Variants in DYSF observed in about 807,000 individuals in gnomAD.
DYSF encodes the protein dystrophy-associated fer-1-like 1.
DYSF carries 212 observed loss-of-function variants against 274.9 expected under a neutral mutation model. That is an observed-to-expected ratio of 0.77 (90% CI 0.69 to 0.86). DYSF has a LOEUF of 0.86. DYSF is among the 40% of genes least tolerant of loss of function. The probability of loss-of-function intolerance (pLI) is 0.00; values close to 1 mark genes in which losing one functional copy is unlikely to be tolerated. For synonymous variants in DYSF, 1,091 were observed against 1,078.7 expected, an observed-to-expected ratio of 1.01 and a Z score of -0.22; for missense variants, 2,666 against 2,783.2, an observed-to-expected ratio of 0.96 and a Z score of 0.95.
chr2:71,479,059 T>A (rs1305448270), intron 1 of DYSF, among the ~76,000 whole-genome samples: 1 of 151,730 alleles, frequency 6.6e-6, no homozygotes, highest in South Asian at 2.1e-4. Flanking sequence ...GGGACTTTCG[T>A]GGTCCAGGCA....
chr2:71,683,337 G>A (rs1011853646), intron 55 of DYSF, among the ~76,000 whole-genome samples: 1 of 152,146 alleles, frequency 6.6e-6, no homozygotes, highest in African/African-American at 2.4e-5. Context: ...TCGTGCCCTT[G>A]CTCTGTGGGG....
At chr2:71,655,684 C>T (rs1326698756) in intron 42 of DYSF, among the ~76,000 whole-genome samples, 1 of 152,200 alleles carries the variant, frequency 6.6e-6, no homozygotes, top group African/African-American at 2.4e-5. Context: ...AACATTTTTA[C>T]TTGAAATGCT....
chr2:71,585,008 A>AAGG lies in DYSF; in HGVS notation c.3403-4583_3403-4581dup, dbSNP rs1483461690. On this transcript the variant is annotated intron_variant, in intron 30 of 55. Coordinates refer to ENST00000410020, the MANE Select transcript of DYSF (RefSeq NM_001130987.2). ...GAAAGAGTTAAACCAGGTACCTGCC[A>AAGG]AGGACCGTGGGGTATCATTTCATTC... Among the ~76,000 whole-genome samples, 7 of 152,348 alleles carry AAGG rather than the reference A, an allele frequency of 4.6e-5. No homozygotes were observed. In the East Asian group the frequency reaches 1.3e-3, roughly 29 times the overall value.
intron 41 of DYSF, among the ~76,000 whole-genome samples, chr2:71,640,277 T>C (rs994751720): frequency 2.0e-5 from 3 of 152,278 alleles, no homozygotes; most frequent in Non-Finnish European, 2.9e-5. Context: ...TAAAATATTC[T>C]TTATAATGCT....
chr2:71,587,883 C>A (rs887558519), intron 30 of DYSF, among the ~76,000 whole-genome samples: 6 of 152,168 alleles, frequency 3.9e-5, no homozygotes, highest in African/African-American at 1.2e-4. Flanking sequence ...CTTGGAGAGT[C>A]CCCTGGGAGA....
At chr2:71,500,014 TGA>T (rs1185025076) in intron 3 of DYSF, among the ~76,000 whole-genome samples, 3 of 152,292 alleles carry the variant, frequency 2.0e-5, no homozygotes, top group African/African-American at 7.2e-5. Context: ...TGGTGCCGAC[TGA>T]GAGTGCAGCA....
intron 43 of DYSF, among the ~76,000 whole-genome samples, chr2:71,657,759 G>A (rs976613793): frequency 1.8e-4 from 28 of 152,278 alleles, no homozygotes; most frequent in African/African-American, 6.5e-4. Flanking sequence ...GGAGCAGCTG[G>A]GACACAGAGC....
chr2:71,581,757 C>T (rs927983417), intron 30 of DYSF, among the ~76,000 whole-genome samples: 1 of 152,172 alleles, frequency 6.6e-6, no homozygotes, highest in Non-Finnish European at 1.5e-5. Context: ...GGTGGGAATG[C>T]TAAAAACACA....
At chr2:71,467,367 T>C (rs1214378152) in intron 1 of DYSF, among the ~76,000 whole-genome samples, 2 of 152,068 alleles carry the variant, frequency 1.3e-5, no homozygotes, top group Non-Finnish European at 2.9e-5. Context: ...CATTCACCCA[T>C]CTTTATCCAA....
Position 71,503,329 on chromosome 2 carries a change from CA to C in DYSF, c.345+11del, listed in dbSNP as rs767024982. ...GAAGCAGCCCACAGGGGTAAGTGCCCATCAGCCTCTGCCAGGTTAAGGTCCA... is the reference window on the plus strand; with the variant it reads ...GAAGCAGCCCACAGGGGTAAGTGCCCTCAGCCTCTGCCAGGTTAAGGTCCA... On this transcript the variant is annotated intron_variant, in intron 4 of 55. Coordinates refer to ENST00000410020, the MANE Select transcript of DYSF (RefSeq NM_001130987.2). 4.3e-6 allele frequency: 7 copies of C among 1,613,862 alleles called. No individual in the cohort carries two copies. The South Asian group carries it at 6.6e-5, about 15-fold the overall frequency.
chr2:71,594,921 C>G (rs987535928), intron 32 of DYSF, among the ~76,000 whole-genome samples: 8 of 152,226 alleles, frequency 5.3e-5, no homozygotes, highest in Non-Finnish European at 1.0e-4. Flanking sequence ...TAGTCACACT[C>G]TTAAGAGCCT....
Position 71,552,998 on chromosome 2 carries a change from T to C in DYSF, c.1807-13T>C, listed in dbSNP as rs756387775. On this transcript the variant is annotated splice_polypyrimidine_tract_variant and intron_variant, in intron 19 of 55. Coordinates refer to ENST00000410020, the MANE Select transcript of DYSF (RefSeq NM_001130987.2). ...CTCCTCCCGTGACCCTCTGGTCTAC[T>C]CTCTGCTCTCAGAAGTACCTTAGGA... The C allele has an allele frequency of 2.2e-5, 36 of 1,614,144 alleles. No individual in the cohort carries two copies. The highest frequency in any genetic ancestry group is 3.0e-5 in the Non-Finnish European group (35 of 1,180,004).
At chr2:71,531,955 A>G (rs1259948373) in intron 14 of DYSF, among the ~76,000 whole-genome samples, 1 of 152,172 alleles carries the variant, frequency 6.6e-6, no homozygotes, top group Non-Finnish European at 1.5e-5. Context: ...CAGGAATTTA[A>G]CCCTGCTTCT....
chr2:71,565,036 C>T (rs1228518536), intron 24 of DYSF, among the ~76,000 whole-genome samples: 1 of 152,022 alleles, frequency 6.6e-6, no homozygotes, highest in Non-Finnish European at 1.5e-5. Context: ...GTCAGCAAGG[C>T]TGCCCCTGCT....
intron 41 of DYSF, 29 bp downstream of exon 41, chr2:71,620,638 C>T (rs1022044239): frequency 1.3e-6 from 2 of 1,547,728 alleles, no homozygotes; most frequent in Non-Finnish European, 1.7e-6. Flanking sequence ...TTTGTGGGCT[C>T]CTTGTATTCC....
At chr2:71,560,322 C>T (rs116546110) in intron 22 of DYSF, among the ~76,000 whole-genome samples, 2,262 of 150,400 alleles carry the variant, frequency 0.015, 29 homozygotes, top group Non-Finnish European at 0.024. Context: ...CCGGGCTGGG[C>T]GCATAAATCA....
At chr2:71,654,002 C>T (rs2094720183) in intron 42 of DYSF, among the ~76,000 whole-genome samples, 1 of 152,048 alleles carries the variant, frequency 6.6e-6, no homozygotes, top group Non-Finnish European at 1.5e-5. Flanking sequence ...CTGGGACAAA[C>T]ATTTGATAGA....
At chr2:71,501,433 C>T (rs956571992) in intron 3 of DYSF, among the ~76,000 whole-genome samples, 4 of 152,172 alleles carry the variant, frequency 2.6e-5, no homozygotes, top group South Asian at 2.1e-4. Context: ...TCGACATAAA[C>T]GCTACCATTT....
At chr2:71,586,666 T>G (rs772444291) in intron 30 of DYSF, among the ~76,000 whole-genome samples, 28 of 152,008 alleles carry the variant, frequency 1.8e-4, no homozygotes, top group Non-Finnish European at 3.8e-4. Flanking sequence ...GACAGAGGCC[T>G]TGGGAGTGGT....
Sources: gnomAD v4.1 joint callset for allele counts (sites outside exome capture counted in the v4.1 genomes callset) on GRCh38, gnomAD v4.1.1 for gene constraint, MANE v1.5 for transcripts, NCBI Gene and HGNC (gene_info 2026-07-23, HGNC 2026-07-21) for gene names.